The following GADL1 variants were observed in gnomAD, a reference collection of about 807,000 sequenced individuals.
The protein encoded by GADL1 is acidic amino acid decarboxylase GADL1.
GADL1 carries 71 observed loss-of-function variants against 69.5 expected under a neutral mutation model. The ratio of observed to expected loss-of-function variants is 1.02; its 90% confidence interval spans 0.84 to 1.25. The LOEUF (loss-of-function observed/expected upper bound fraction) is 1.25, where lower values mean the gene tolerates loss of function less well. Among genes scored for constraint, GADL1 ranks in the 50% most tolerant of loss-of-function variants. The probability of loss-of-function intolerance (pLI) is 0.00; values close to 1 mark genes in which losing one functional copy is unlikely to be tolerated. For missense variants in GADL1, 737 were observed against 631.8 expected (o/e 1.17, Z -1.79); for synonymous variants, 254 against 214.4 (o/e 1.18, Z -1.62).
At chr3:30,767,615 T>C (rs1275373123) in intron 14 of GADL1, among the ~76,000 whole-genome samples, 1 of 152,048 alleles carries the variant, frequency 6.6e-6, no homozygotes, top group Non-Finnish European at 1.5e-5. Context: ...ATACAAAAAA[T>C]TGAATGACAG....
intron 14 of GADL1, among the ~76,000 whole-genome samples, chr3:30,729,014 T>A (rs1695413534): frequency 6.6e-6 from 1 of 152,154 alleles, no homozygotes; most frequent in African/African-American, 2.4e-5. Context: ...AAAAAGAAAG[T>A]TAGATATTAT....
intron 11 of GADL1, among the ~76,000 whole-genome samples, chr3:30,807,960 A>T (rs1559505574): frequency 2.0e-5 from 3 of 151,826 alleles, no homozygotes; most frequent in African/African-American, 7.3e-5. Context: ...TGAACCCGGG[A>T]GGTGGAGATT....
chr3:30,849,025 A>G (rs905262277), intron 6 of GADL1, among the ~76,000 whole-genome samples: 1 of 152,116 alleles, frequency 6.6e-6, no homozygotes, highest in East Asian at 1.9e-4. Flanking sequence ...AGAAGTAACA[A>G]TGGCCAGTTC....
intron 1 of GADL1, among the ~76,000 whole-genome samples, chr3:30,878,828 A>G (rs912513981): frequency 6.6e-6 from 1 of 151,936 alleles, no homozygotes; most frequent in Non-Finnish European, 1.5e-5. Context: ...TGTCTTCCAC[A>G]TGAGCCCACA....
chr3:30,845,635 G>C (rs1040701138), intron 6 of GADL1, among the ~76,000 whole-genome samples: 3 of 151,006 alleles, frequency 2.0e-5, no homozygotes, highest in African/African-American at 7.3e-5. Flanking sequence ...AATAGGACAT[G>C]TCCAAAATGC....
Position 30,814,984 on chromosome 3 carries a change from T to TAAA in GADL1, c.1051-13897_1051-13896insTTT, listed in dbSNP as rs1010761508. On this transcript the variant is annotated intron_variant, in intron 11 of 14. Transcript: ENST00000282538. ...GTCTCATTTAAAAAAAAAAAAAAAT[T>TAAA]TTTTTCATTAAGGCAAATTTTTAAT... 8.0e-4 allele frequency among the ~76,000 whole-genome samples: 120 copies of TAAA among 150,752 alleles called. 1 individual carries two copies. Among genetic ancestry groups the TAAA allele is most frequent in the East Asian group, 4.3e-3 (22 of 5,126 alleles).
At chr3:30,867,524 A>ATG (rs1559365284) in intron 1 of GADL1, among the ~76,000 whole-genome samples, 1 of 151,466 alleles carries the variant, frequency 6.6e-6, no homozygotes, top group Non-Finnish European at 1.5e-5. Flanking sequence ...TACAGATTTA[A>ATG]CAAATGTAAT....
At chr3:30,856,923 C>T in intron 3 of GADL1, 92 bp downstream of exon 3, 1 of 1,016,582 alleles carries the variant, frequency 9.8e-7, no homozygotes, top group African/African-American at 1.6e-5. Flanking sequence ...ATTTCTCGTT[C>T]CATAAGCATT....
chr3:30,862,800 T>C lies in GADL1; in HGVS notation c.38-1035A>G, dbSNP rs17026707. ...ACATGAATATGTTTCTCCAAATGTA[T>C]GTCCCCTCTTCCTTTAGGTGCGTGT... On this transcript the variant is annotated intron_variant, in intron 1 of 14. Transcript: ENST00000282538. 5.4e-3 allele frequency among the ~76,000 whole-genome samples: 819 copies of C among 152,098 alleles called. 9 individuals are homozygous for C. Among genetic ancestry groups the C allele is most frequent in the African/African-American group, 0.019 (777 of 41,538 alleles).
At chr3:30,847,117 A>G (rs1337298062) in intron 6 of GADL1, among the ~76,000 whole-genome samples, 1 of 152,222 alleles carries the variant, frequency 6.6e-6, no homozygotes, top group Admixed American at 6.5e-5. Flanking sequence ...AATTTATATC[A>G]AAGTGCAAAC....
rs561981921 is a variant in GADL1 at position 30,786,394 on chromosome 3, A to G, written c.1263T>C (p.Asp421=). The change falls in exon 13 of 15, where the codon GAT becomes GAC. Residue 421 remains aspartate (D), a synonymous_variant. Coordinates refer to ENST00000282538, the MANE Select transcript of GADL1 (RefSeq NM_207359.3). ...TGAATCCTTCTCTTTTCTTGATTTC[A>G]TCTACTAGGTACCTAAAATTAAAAG... ...RALALSRYLV[D]EIKKREGFKL... 1.3e-6 allele frequency: 2 copies of G among 1,488,728 alleles called. No individual in the cohort carries two copies. The highest frequency in any genetic ancestry group is 2.3e-5 in the East Asian group (1 of 43,928). The allele number at this position is 1,488,728 out of a possible 1,614,324, so 92.2% of individuals were successfully genotyped here. A position where few individuals can be genotyped will look rare whatever the true frequency, so the allele number is the denominator to read the frequency against.
Position 30,857,054 on chromosome 3 carries a change from C to T in GADL1, c.298G>A (p.Glu100Lys), listed in dbSNP as rs1698239735. The change falls in exon 3 of 15, where the codon GAA becomes AAA. Residue 100 changes from glutamate to lysine, a missense_variant. Physicochemically the swap from Glu to Lys is moderately conservative, Grantham distance 56. Coordinates refer to ENST00000282538, the MANE Select transcript of GADL1 (RefSeq NM_207359.3). The stretch of plus-strand genomic sequence containing the variant: ...TAGTGTATGACATCCCGACAGAGTT[C>T]CAATAGTTTATGGGGTGGCTCGCCT... The part of the protein sequence containing the change: ...DSGEPPHKLL[E>K]LCRDVIHYSV... 6.5e-7 allele frequency: 1 copy of T among 1,549,918 alleles called. No homozygotes were observed. Among genetic ancestry groups the T allele is most frequent in the Non-Finnish European group, 8.7e-7 (1 of 1,145,690 alleles).
intron 1 of GADL1, among the ~76,000 whole-genome samples, chr3:30,882,870 T>C (rs995537447): frequency 2.0e-5 from 3 of 151,892 alleles, no homozygotes; most frequent in Middle Eastern, 3.2e-3. Context: ...GCCATCTTAA[T>C]GGATGTAAGG....
chr3:30,762,142 A>G (rs1346641260), intron 14 of GADL1, among the ~76,000 whole-genome samples: 1 of 152,172 alleles, frequency 6.6e-6, no homozygotes, highest in African/African-American at 2.4e-5. Flanking sequence ...AAGTCTTTAC[A>G]TAGTGGAATT....
intron 1 of GADL1, among the ~76,000 whole-genome samples, chr3:30,875,215 A>G (rs191455469): frequency 1.4e-4 from 20 of 147,890 alleles, no homozygotes; most frequent in Non-Finnish European, 2.0e-4. Context: ...GATATAGAGA[A>G]AAAAAAAAAA....
In GADL1 at chr3:30,846,130, A is replaced by AG. The variant is rs1360724448; in HGVS notation, c.652-1665dup. 9.8e-4 allele frequency among the ~76,000 whole-genome samples: 149 copies of AG among 152,190 alleles called. 2 individuals carry two copies. The East Asian group carries it at 0.017, about 17-fold the overall frequency. On this transcript the variant is annotated intron_variant, in intron 6 of 14. Coordinates refer to ENST00000282538, the MANE Select transcript of GADL1 (RefSeq NM_207359.3). ...GCTTCAGAGAAGGAAGAGCCCTGGAAGGGAGAACAAAAGAAGGTGATGCTT... is the reference window on the plus strand; with the variant it reads ...GCTTCAGAGAAGGAAGAGCCCTGGAAGGGGAGAACAAAAGAAGGTGATGCTT...
intron 12 of GADL1, chr3:30,797,673 T>TTTG (rs1553639949): frequency 4.0e-5 from 6 of 151,542 alleles, no homozygotes; most frequent in Non-Finnish European, 5.9e-5. Flanking sequence ...TGTTTTTGTT[T>TTTG]TTTTTTTGTT....
At chr3:30,766,582 G>A (rs893399662) in intron 14 of GADL1, among the ~76,000 whole-genome samples, 6 of 151,990 alleles carry the variant, frequency 3.9e-5, no homozygotes, top group African/African-American at 1.2e-4. Flanking sequence ...TGAGGAAACA[G>A]GTATGGAGTG....
At chr3:30,795,266 G>A (rs1191639532) in intron 12 of GADL1, among the ~76,000 whole-genome samples, 2 of 152,116 alleles carry the variant, frequency 1.3e-5, no homozygotes, top group Non-Finnish European at 2.9e-5. Flanking sequence ...TGACCCTGTC[G>A]GTGGTTTGAA....
Sources: gnomAD v4.1 joint callset for allele counts (sites outside exome capture counted in the v4.1 genomes callset) on GRCh38, gnomAD v4.1.1 for gene constraint, MANE v1.5 for transcripts, NCBI Gene and HGNC (gene_info 2026-07-23, HGNC 2026-07-21) for gene names.